The following SYT7 variants were observed in gnomAD, a reference collection of about 807,000 sequenced individuals.
The protein encoded by SYT7 is synaptotagmin-7.
In SYT7, 29 loss-of-function variants were observed where a neutral mutation model predicts 75.1. The ratio of observed to expected loss-of-function variants is 0.39; its 90% confidence interval spans 0.29 to 0.53. The LOEUF (loss-of-function observed/expected upper bound fraction) is 0.53, where lower values mean the gene tolerates loss of function less well. Among genes scored for constraint, SYT7 ranks in the 20% least tolerant of loss-of-function variants. The pLI, the probability that SYT7 is intolerant of heterozygous loss-of-function variation, is 0.77. For synonymous variants in SYT7, 376 were observed against 401.7 expected, an observed-to-expected ratio of 0.94 and a Z score of 0.76; for missense variants, 693 against 953.2, an observed-to-expected ratio of 0.73 and a Z score of 3.59.
At chr11:61,547,071 GGAGA>G in intron 4 of SYT7, 102 bp downstream of exon 4, 3 of 1,357,098 alleles carry the variant, frequency 2.2e-6, no homozygotes, top group Non-Finnish European at 3.0e-6. Flanking sequence ...AGGAGCGAGA[GGAGA>G]GAGGGAGTGA....
At chr11:61,582,018 T>G (rs1383472785), upstream of SYT7, among the ~76,000 whole-genome samples, 1 of 151,896 alleles carries the variant, frequency 6.6e-6, no homozygotes, top group African/African-American at 2.4e-5. Context: ...AACCCAGAAA[T>G]GAACCATTAG....
upstream of SYT7, among the ~76,000 whole-genome samples, chr11:61,581,648 GC>G (rs2064278484): frequency 1.3e-5 from 2 of 152,236 alleles, no homozygotes; most frequent in African/African-American, 2.4e-5. Flanking sequence ...CTGCAAGCTC[GC>G]ACACAGGTGG....
intron 2 of SYT7, among the ~76,000 whole-genome samples, chr11:61,552,601 G>A (rs2063385177): frequency 2.0e-5 from 3 of 152,176 alleles, no homozygotes; most frequent in Admixed American, 6.5e-5. Context: ...AGCTGTCACT[G>A]CCACTGCCAT....
In SYT7 at chr11:61,551,160, A is replaced by G. The variant is rs962347284; in HGVS notation, c.215+224T>C. On this transcript the variant is annotated intron_variant, in intron 3 of 12. Transcript: ENST00000539008. The surrounding 1 kb of genome is among the most constrained non-coding windows in gnomAD (Gnocchi z 5.3). ...GGTGCTGGCGGTGAGGGCAGCGGAAACGGAGGCCAGGGACTCCGGAGCACT... is the reference window on the plus strand; with the variant it reads ...GGTGCTGGCGGTGAGGGCAGCGGAAGCGGAGGCCAGGGACTCCGGAGCACT... 3.3e-5 allele frequency among the ~76,000 whole-genome samples: 5 copies of G among 152,008 alleles called. No homozygotes were observed. The highest frequency in any genetic ancestry group is 1.2e-4 in the African/African-American group (5 of 41,360).
chr11:61,514,971 G>A lies in SYT7; in HGVS notation c.*3656C>T, dbSNP rs538195267. On this transcript the variant is annotated 3_prime_UTR_variant, in exon 13 of 13. Transcript: ENST00000539008. ...TCTGAGCTGCCTTGGAGGGTGGCAA[G>A]TGTCCTCTGGGAACTGAGGGAGGGG... is the stretch of plus-strand genomic sequence containing the variant. Among the ~76,000 whole-genome samples, 2 of 152,314 alleles carry A rather than the reference G, an allele frequency of 1.3e-5. No individual in the cohort carries two copies. Among genetic ancestry groups the A allele is most frequent in the South Asian group, 4.1e-4 (2 of 4,822 alleles).
At position 61,530,953 on chromosome 11, in the gene SYT7, A is replaced by G. The variant is rs577627660; in HGVS notation, c.1200+2036T>C. 49 of 985,328 alleles carry G rather than the reference A, an allele frequency of 5.0e-5. 1 individual carries two copies. In the East Asian group the frequency reaches 4.8e-3, roughly 96 times the overall value. The allele number at this position is 985,328 out of a possible 1,614,324, so 61.0% of individuals were successfully genotyped here. On this transcript the variant is annotated intron_variant, in intron 8 of 12. Coordinates refer to ENST00000539008, the MANE Select transcript of SYT7 (RefSeq NM_001365809.2). ...AGTCAGCCTCGAAAAGCAGCAAGCC[A>G]CCCCTATACCAGGGCAGGAGGTGCC...
intron 1 of SYT7, among the ~76,000 whole-genome samples, chr11:61,559,098 G>T (rs1445181788): frequency 1.3e-5 from 2 of 152,188 alleles, no homozygotes; most frequent in African/African-American, 2.4e-5. Flanking sequence ...TAACCACTCA[G>T]TGTCTCCCAC....
At position 61,517,243 on chromosome 11, in the gene SYT7, C is replaced by G; in HGVS notation, c.*1384G>C. The G allele has an allele frequency of 2.5e-6, 1 of 398,600 alleles. No homozygotes were observed. The highest frequency in any genetic ancestry group is 3.6e-5 in the East Asian group (1 of 28,074). 24.7% of individuals were successfully genotyped at this position (398,600 alleles called of 1,614,324 possible). ...GCTTAAGCAGGGATCAGCCTGAAATCTGCCGTCTCCAAGGGGAAGCCAGTT... is the reference window on the plus strand; with the variant it reads ...GCTTAAGCAGGGATCAGCCTGAAATGTGCCGTCTCCAAGGGGAAGCCAGTT... On this transcript the variant is annotated 3_prime_UTR_variant, in exon 13 of 13. Transcript: ENST00000539008.
chr11:61,531,891 C>CAAAAAAA (rs58242073), intron 8 of SYT7, among the ~76,000 whole-genome samples: 2 of 49,412 alleles, frequency 4.0e-5, no homozygotes, highest in Non-Finnish European at 9.9e-5. Context: ...GATTCTGTCT[C>CAAAAAAA]AAAAAAAAAA....
Position 61,542,367 on chromosome 11 carries a change from G to A in SYT7, c.785C>T (p.Pro262Leu). The A allele has an allele frequency of 6.5e-7, 1 of 1,530,694 alleles. No homozygotes were observed. Among genetic ancestry groups the A allele is most frequent in the Non-Finnish European group, 8.7e-7 (1 of 1,144,454 alleles). 94.8% of individuals were successfully genotyped at this position (1,530,694 alleles called of 1,614,324 possible). The change falls in exon 6 of 13, where the codon CCC becomes CTC. Residue 262 changes from proline to leucine, a missense_variant. Physicochemically the swap from Pro to Leu is moderately conservative, Grantham distance 98 (BLOSUM62 -3). Coordinates refer to ENST00000539008, the MANE Select transcript of SYT7 (RefSeq NM_001365809.2). This position sits in a 1 kb window ranked among gnomAD's most constrained non-coding sequence, Gnocchi z 7.8. ...LQAHMASAPG[P>L]NPRAYGRGQA... ...GCCCCGGCCATAGGCCCGGGGGTTG[G>A]GGCCTGGTGCCGAGGCCATGTGGGC...
At chr11:61,521,492 AG>A (rs1261255721) in intron 12 of SYT7, among the ~76,000 whole-genome samples, 1 of 152,142 alleles carries the variant, frequency 6.6e-6, no homozygotes, top group African/African-American at 2.4e-5. Flanking sequence ...CTGGAGTATG[AG>A]TGGCAATGTC....
chr11:61,555,955 A>G (rs1468822476), intron 2 of SYT7, 149 bp downstream of exon 2: 3 of 674,634 alleles, frequency 4.4e-6, no homozygotes, highest in Non-Finnish European at 7.6e-6. Context: ...CTGAATTTCT[A>G]TGGAAGTGCC....
At chr11:61,587,001 T>G in the SYT7 span, among the ~76,000 whole-genome samples, 1 of 152,176 alleles carries the variant, frequency 6.6e-6, no homozygotes, top group Non-Finnish European at 1.5e-5. Context: ...GATCCTCCGC[T>G]GATGGGAACC....
At chr11:61,549,870 G>T (rs1401175368) in intron 3 of SYT7, among the ~76,000 whole-genome samples, 1 of 151,856 alleles carries the variant, frequency 6.6e-6, no homozygotes, top group East Asian at 2.0e-4. Flanking sequence ...TGGGAATCCT[G>T]TCTCCTCTTG....
intron 8 of SYT7, 35 bp from the exon 9 acceptor site, chr11:61,528,220 A>G (rs2062588608): frequency 6.3e-7 from 1 of 1,599,716 alleles, no homozygotes; most frequent in African/African-American, 1.3e-5. Context: ...GGGTTTGGGG[A>G]GGATTCTGCT....
intron 12 of SYT7, among the ~76,000 whole-genome samples, chr11:61,520,396 C>G (rs1044931029): frequency 1.3e-5 from 2 of 151,834 alleles, no homozygotes; most frequent in Non-Finnish European, 2.9e-5. Flanking sequence ...CATGGTGGTA[C>G]GTGCCTGGAG....
At chr11:61,560,366 T>A (rs76858238) in intron 1 of SYT7, among the ~76,000 whole-genome samples, 1 of 152,036 alleles carries the variant, frequency 6.6e-6, no homozygotes. Flanking sequence ...GCACTGTTCC[T>A]GTCTGTGTTC....
At chr11:61,586,374 G>A in the SYT7 span, among the ~76,000 whole-genome samples, 2 of 152,216 alleles carry the variant, frequency 1.3e-5, no homozygotes, top group Non-Finnish European at 2.9e-5. Flanking sequence ...TGGGACCCCT[G>A]AGACTGACTG....
chr11:61,556,414 G>A (rs571365082), intron 1 of SYT7, among the ~76,000 whole-genome samples: 2 of 152,334 alleles, frequency 1.3e-5, no homozygotes, highest in South Asian at 4.1e-4. Flanking sequence ...TCTGTAAAAT[G>A]GGGAAACTGT....
Sources: gnomAD v4.1 joint callset for allele counts (sites outside exome capture counted in the v4.1 genomes callset) on GRCh38, gnomAD v4.1.1 for gene constraint, Gnocchi (gnomAD v3.1) non-coding constraint, MANE v1.5 for transcripts, NCBI Gene and HGNC (gene_info 2026-07-23, HGNC 2026-07-21) for gene names.